Variants in RORA observed in about 807,000 individuals in gnomAD.
The protein encoded by RORA is nuclear receptor ROR-alpha.
In RORA, 7 loss-of-function variants were observed where a neutral mutation model predicts 69.5. The observed-to-expected ratio is 0.10, with a 90% CI of 0.06 to 0.19. RORA has a LOEUF of 0.19. RORA is among the 10% of genes least tolerant of loss of function. The pLI, the probability that RORA is intolerant of heterozygous loss-of-function variation, is 1.00. For synonymous variants in RORA, 261 were observed against 240.8 expected (o/e 1.08, Z -0.78); for missense variants, 457 against 663.0 (o/e 0.69, Z 3.41).
chr15:60,552,045 C>G (rs1175529452), intron 2 of RORA, among the ~76,000 whole-genome samples: 1 of 152,146 alleles, frequency 6.6e-6, no homozygotes, highest in African/African-American at 2.4e-5. Flanking sequence ...ACACAGGATC[C>G]TTCGTGGTTC....
At chr15:60,559,912 T>C (rs1595974599) in intron 2 of RORA, among the ~76,000 whole-genome samples, 2 of 152,240 alleles carry the variant, frequency 1.3e-5, no homozygotes, top group Non-Finnish European at 2.9e-5. Flanking sequence ...GCCACTGTTT[T>C]TTTTCCCCTT....
intron 2 of RORA, among the ~76,000 whole-genome samples, chr15:60,536,504 C>A (rs995210128): frequency 1.1e-4 from 16 of 152,222 alleles, no homozygotes; most frequent in Non-Finnish European, 2.1e-4. Context: ...CTGTTTGCCA[C>A]AACACAGTGG....
chr15:60,790,597 G>A lies in RORA; in HGVS notation c.167-111911C>T, dbSNP rs117734577. On this transcript the variant is annotated intron_variant, in intron 1 of 10. Transcript: ENST00000335670. ...AAGTGCCTAGGCAAGCCACCAGTTT[G>A]AGAACATTCCTCGTCTTTGTGTGAC... 3.9e-3 allele frequency among the ~76,000 whole-genome samples: 587 copies of A among 152,320 alleles called. 13 individuals carry two copies. In the East Asian group the frequency reaches 0.04, roughly 10 times the overall value.
chr15:60,592,490 C>A, intron 2 of RORA: 1 of 1,333,162 alleles, frequency 7.5e-7, no homozygotes, highest in African/African-American at 1.5e-5. Context: ...GCCGCCGCGC[C>A]GCCGCCGCCC....
intron 1 of RORA, among the ~76,000 whole-genome samples, chr15:60,781,678 C>T (rs2072259020): frequency 6.6e-6 from 1 of 151,510 alleles, no homozygotes; most frequent in Admixed American, 6.6e-5. Flanking sequence ...GGCTGAGTGC[C>T]TCCCTGGGGT....
At chr15:60,921,217 G>A (rs757249709) in intron 1 of RORA, among the ~76,000 whole-genome samples, 3 of 152,124 alleles carry the variant, frequency 2.0e-5, no homozygotes, top group East Asian at 1.9e-4. Flanking sequence ...ATATCCACCT[G>A]AGGACATGTA....
intron 1 of RORA, among the ~76,000 whole-genome samples, chr15:60,954,049 A>C (rs374386093): frequency 0.032 from 4,761 of 147,772 alleles, 91 homozygotes; most frequent in African/African-American, 0.05. Flanking sequence ...ACCCAAATGT[A>C]CAACAATGAT....
chr15:61,158,342 A>C (rs2079463905), intron 1 of RORA, among the ~76,000 whole-genome samples: 1 of 152,194 alleles, frequency 6.6e-6, no homozygotes, highest in South Asian at 2.1e-4. Context: ...ATCAGCCAGG[A>C]TGTCTTTGCA....
At chr15:60,786,905 T>C (rs527819567) in intron 1 of RORA, among the ~76,000 whole-genome samples, 1 of 152,118 alleles carries the variant, frequency 6.6e-6, no homozygotes, top group South Asian at 2.1e-4. Flanking sequence ...CCAGCGGAGG[T>C]GTGGAGCAGA....
chr15:61,038,196 C>A (rs922485273), intron 1 of RORA, among the ~76,000 whole-genome samples: 1 of 152,114 alleles, frequency 6.6e-6, no homozygotes, highest in Non-Finnish European at 1.5e-5. Flanking sequence ...AGTTATCGAA[C>A]GTATTATGAA....
intron 2 of RORA, among the ~76,000 whole-genome samples, chr15:60,560,263 T>C (rs528692621): frequency 6.6e-6 from 1 of 152,246 alleles, no homozygotes; most frequent in East Asian, 1.9e-4. Flanking sequence ...TTTTCTTTTG[T>C]TTTGTTTGTG....
At chr15:60,965,717 G>A (rs1428960680) in intron 1 of RORA, among the ~76,000 whole-genome samples, 1 of 152,128 alleles carries the variant, frequency 6.6e-6, no homozygotes, top group Non-Finnish European at 1.5e-5. Context: ...TTCTCTGTTT[G>A]CAAGCGCTAT....
At chr15:60,863,239 T>C (rs1015449738) in intron 1 of RORA, among the ~76,000 whole-genome samples, 3 of 152,254 alleles carry the variant, frequency 2.0e-5, no homozygotes, top group African/African-American at 7.2e-5. Context: ...TGCACATTAG[T>C]GTTCTGACCT....
chr15:61,126,619 C>A (rs1340473684), intron 1 of RORA, among the ~76,000 whole-genome samples: 1 of 152,132 alleles, frequency 6.6e-6, no homozygotes, highest in African/African-American at 2.4e-5. Context: ...GTTTTTTCAC[C>A]TCCTATTGTA....
chr15:60,561,082 G>T (rs866128148), intron 2 of RORA, among the ~76,000 whole-genome samples: 3,217 of 120,702 alleles, frequency 0.027, 39 homozygotes, highest in Non-Finnish European at 0.034. Flanking sequence ...TTTTGTTTTT[G>T]TTTTTTTTTT....
Position 60,650,030 on chromosome 15 carries a change from G to A in RORA, c.196+28627C>T, listed in dbSNP as rs567697172. On this transcript the variant is annotated intron_variant, in intron 2 of 10. Coordinates refer to ENST00000335670, the MANE Select transcript of RORA (RefSeq NM_134261.3). ...GACACACTTTGGGAGGTAAGCACGA[G>A]TCATGGTAACTGACCACATCCTTTA... 2.6e-5 allele frequency among the ~76,000 whole-genome samples: 4 copies of A among 152,302 alleles called. No individual in the cohort carries two copies. The East Asian group carries it at 5.8e-4, about 22-fold the overall frequency.
At chr15:60,985,442 T>C (rs993307321) in intron 1 of RORA, among the ~76,000 whole-genome samples, 2 of 152,222 alleles carry the variant, frequency 1.3e-5, no homozygotes, top group Non-Finnish European at 2.9e-5. Context: ...GTATATCTAA[T>C]CCAAATTGAG....
intron 1 of RORA, among the ~76,000 whole-genome samples, chr15:60,780,377 G>T (rs1383797845): frequency 2.6e-5 from 4 of 152,180 alleles, no homozygotes. Context: ...GGTCTAGAGA[G>T]CCCAGTGTAG....
At chr15:60,595,901 G>C (rs1013457919) in intron 2 of RORA, among the ~76,000 whole-genome samples, 1 of 152,162 alleles carries the variant, frequency 6.6e-6, no homozygotes, top group Non-Finnish European at 1.5e-5. Flanking sequence ...TGGTGTTCCT[G>C]TGTGCTGGGT....
Sources: gnomAD v4.1 joint callset for allele counts (sites outside exome capture counted in the v4.1 genomes callset) on GRCh38, gnomAD v4.1.1 for gene constraint, MANE v1.5 for transcripts, NCBI Gene and HGNC (gene_info 2026-07-23, HGNC 2026-07-21) for gene names.